The following SLCO1B1 variants were observed in gnomAD, a reference collection of about 807,000 sequenced individuals.
SLCO1B1 encodes solute carrier organic anion transporter family member 1B1.
In SLCO1B1, 81 loss-of-function variants were observed where a neutral mutation model predicts 70.1. The observed-to-expected ratio is 1.16, with a 90% CI of 0.97 to 1.39. The LOEUF is 1.39. Among genes scored for constraint, SLCO1B1 ranks in the 40% most tolerant of loss-of-function variants. The pLI, the probability that SLCO1B1 is intolerant of heterozygous loss-of-function variation, is 0.00. For missense variants in SLCO1B1, 895 were observed against 799.6 expected, an observed-to-expected ratio of 1.12 and a Z score of -1.44; for synonymous variants, 283 against 271.5, an observed-to-expected ratio of 1.04 and a Z score of -0.42.
At chr12:21,217,383 T>C in intron 12 of SLCO1B1, 80 bp downstream of exon 12, 1 of 1,064,246 alleles carries the variant, frequency 9.4e-7, no homozygotes, top group Non-Finnish European at 1.4e-6. Flanking sequence ...TTACATAATA[T>C]ACTGGGAATT....
chr12:21,135,688 T>C (rs1940210250), intron 1 of SLCO1B1, among the ~76,000 whole-genome samples: 1 of 152,188 alleles, frequency 6.6e-6, no homozygotes, highest in African/African-American at 2.4e-5. Context: ...ATTTGCTTGG[T>C]AGATCTTCCT....
intron 1 of SLCO1B1, among the ~76,000 whole-genome samples, chr12:21,132,911 C>T (rs1193122998): frequency 6.6e-6 from 1 of 152,002 alleles, no homozygotes; most frequent in African/African-American, 2.4e-5. Context: ...CTTGCCCATG[C>T]CTATGTCCTG....
intron 2 of SLCO1B1, among the ~76,000 whole-genome samples, chr12:21,145,726 G>A (rs1369401442): frequency 6.6e-6 from 1 of 151,946 alleles, no homozygotes; most frequent in Non-Finnish European, 1.5e-5. Context: ...GTGACTTCTA[G>A]ATTTTTGCAA....
intron 2 of SLCO1B1, among the ~76,000 whole-genome samples, chr12:21,163,648 A>G (rs1940649540): frequency 6.6e-6 from 1 of 152,156 alleles, no homozygotes; most frequent in Non-Finnish European, 1.5e-5. Context: ...GCTTCTGGTG[A>G]CAGTTCTCTT....
At chr12:21,230,382 G>A (rs1373606992) in intron 14 of SLCO1B1, among the ~76,000 whole-genome samples, 6 of 145,106 alleles carry the variant, frequency 4.1e-5, no homozygotes, top group Non-Finnish European at 7.5e-5. Context: ...CCAGGCTGGA[G>A]GGCAATGGTG....
At chr12:21,166,889 C>G (rs946333384) in intron 2 of SLCO1B1, among the ~76,000 whole-genome samples, 1 of 152,108 alleles carries the variant, frequency 6.6e-6, no homozygotes, top group African/African-American at 2.4e-5. Context: ...TAGAAGCAAC[C>G]AAGGTGTCCT....
intron 2 of SLCO1B1, among the ~76,000 whole-genome samples, chr12:21,158,603 A>G (rs1940572616): frequency 6.6e-6 from 1 of 152,074 alleles, no homozygotes; most frequent in Admixed American, 6.5e-5. Context: ...CTGAGGTGAG[A>G]GAATCGCTTG....
In SLCO1B1 at chr12:21,193,857, C is replaced by G. The variant is rs996133433; in HGVS notation, c.728-3089C>G. Among the ~76,000 whole-genome samples, 38 of 152,178 alleles carry G rather than the reference C, an allele frequency of 2.5e-4. 1 individual carries two copies. Among genetic ancestry groups the G allele is most frequent in the African/African-American group, 9.2e-4 (38 of 41,530 alleles). On this transcript the variant is annotated intron_variant, in intron 7 of 14. Transcript: ENST00000256958. ...CCAGGCTGGAGTGCAGTGGTGCGAT[C>G]TCGGCTCACTACAAGCTCCACCTCC...
chr12:21,231,587 CAA>C (rs982418067), intron 14 of SLCO1B1, among the ~76,000 whole-genome samples: 17 of 151,186 alleles, frequency 1.1e-4, no homozygotes, highest in African/African-American at 3.9e-4. Flanking sequence ...AAAAACTTCT[CAA>C]AAAAACAAGA....
At chr12:21,202,707 C>G (rs747695330) in intron 10 of SLCO1B1, 21 bp downstream of exon 10, 8 of 1,554,836 alleles carry the variant, frequency 5.1e-6, no homozygotes, top group Non-Finnish European at 7.1e-6. Context: ...ATCACTATAT[C>G]AATTGCATAA....
intron 2 of SLCO1B1, among the ~76,000 whole-genome samples, chr12:21,144,761 C>T (rs957614785): frequency 2.7e-4 from 41 of 152,236 alleles, no homozygotes; most frequent in African/African-American, 9.9e-4. Context: ...GACCTATTTT[C>T]ACCATCCTTA....
chr12:21,206,027 G>C lies in SLCO1B1; in HGVS notation c.1491G>C (p.Lys497Asn). 6.2e-7 allele frequency: 1 copy of C among 1,611,240 alleles called. No homozygotes were observed. The highest frequency in any genetic ancestry group is 8.5e-7 in the Non-Finnish European group (1 of 1,177,872). The change falls in exon 11 of 15, where the codon AAG (lysine) becomes AAC (asparagine). Residue 497 changes from lysine (K) to asparagine (N), a missense_variant. Coordinates refer to ENST00000256958, the MANE Select transcript of SLCO1B1 (RefSeq NM_006446.5). ...GCAAATCTTCAAGTGGCAATAAAAA[G>C]CCTATAGTGAGTATTAGTTTTTACT... is the stretch of plus-strand genomic sequence containing the variant. ...AGCKSSSGNK[K>N]PIVFYNCSCL...
At chr12:21,149,747 C>T (rs2121056540) in intron 2 of SLCO1B1, among the ~76,000 whole-genome samples, 1 of 152,248 alleles carries the variant, frequency 6.6e-6, no homozygotes, top group Admixed American at 6.5e-5. Flanking sequence ...CACCAGGGCC[C>T]TGGGTTGCAA....
At chr12:21,228,464 A>G (rs1272793456) in intron 14 of SLCO1B1, among the ~76,000 whole-genome samples, 1 of 152,182 alleles carries the variant, frequency 6.6e-6, no homozygotes, top group Non-Finnish European at 1.5e-5. Flanking sequence ...TGGATTCTTT[A>G]AATATCTTGT....
chr12:21,176,930 TA>T, intron 5 of SLCO1B1, 33 bp downstream of exon 5: 1 of 1,457,978 alleles, frequency 6.9e-7, no homozygotes, highest in Non-Finnish European at 9.6e-7. Flanking sequence ...AAAAGTCTTC[TA>T]AAATGTATAC....
At chr12:21,237,016 A>G (rs1795690012) in intron 14 of SLCO1B1, among the ~76,000 whole-genome samples, 1 of 152,188 alleles carries the variant, frequency 6.6e-6, no homozygotes, top group Non-Finnish European at 1.5e-5. Flanking sequence ...GATCATTGAC[A>G]TTAAAAGTGA....
chr12:21,162,859 A>T (rs1330034381), intron 2 of SLCO1B1, among the ~76,000 whole-genome samples: 1 of 152,220 alleles, frequency 6.6e-6, no homozygotes, highest in Non-Finnish European at 1.5e-5. Flanking sequence ...AGTAGGTTCC[A>T]CATGATAACA....
At chr12:21,162,920 T>G (rs1232774520) in intron 2 of SLCO1B1, among the ~76,000 whole-genome samples, 2 of 152,224 alleles carry the variant, frequency 1.3e-5, no homozygotes, top group Non-Finnish European at 2.9e-5. Context: ...ATATGTGAAG[T>G]GCAGGAAAGT....
chr12:21,136,181 A>G (rs1315517996), intron 1 of SLCO1B1, among the ~76,000 whole-genome samples: 2 of 152,114 alleles, frequency 1.3e-5, no homozygotes, highest in South Asian at 2.1e-4. Flanking sequence ...TGGCTTGTAG[A>G]GTTTCTGCCG....
Sources: allele counts gnomAD v4.1 joint callset (sites outside exome capture counted in the v4.1 genomes callset), GRCh38; gene constraint gnomAD v4.1.1; transcripts MANE v1.5; gene names NCBI Gene and HGNC (gene_info 2026-07-23, HGNC 2026-07-21).